FRMD4A: variants seen among roughly 807,000 people sequenced by gnomAD.
FRMD4A encodes FERM domain-containing protein 4A.
A neutral mutation model predicts 129.1 loss-of-function variants in FRMD4A; 29 were observed. That is an observed-to-expected ratio of 0.22 (90% CI 0.17 to 0.31). The LOEUF is 0.31. Among genes scored for constraint, FRMD4A ranks in the 10% least tolerant of loss-of-function variants. The pLI, the probability that FRMD4A is intolerant of heterozygous loss-of-function variation, is 1.00. For missense variants in FRMD4A, 1,272 were observed against 1,375.8 expected (o/e 0.92, Z 1.19); for synonymous variants, 634 against 571.6 (o/e 1.11, Z -1.56).
chr10:14,222,558 G>A lies in FRMD4A; in HGVS notation c.45+107500C>T, dbSNP rs576635606. On this transcript the variant is annotated intron_variant, in intron 2 of 24. Transcript: ENST00000357447. ...AGCAGATATTCTAAATCAAGAGTAG[G>A]AACAGATACTTAGAAATTAGAAGCT... 2.0e-5 allele frequency among the ~76,000 whole-genome samples: 3 copies of A among 152,076 alleles called. No individual in the cohort carries two copies. The South Asian group carries it at 6.2e-4, about 31-fold the overall frequency.
intron 2 of FRMD4A, among the ~76,000 whole-genome samples, chr10:13,922,525 T>A (rs1539503): frequency 1 from 152,267 of 152,336 alleles, 76,099 homozygotes; most frequent in Non-Finnish European, 1. Context: ...GGTTTATTTT[T>A]TTAGATTACA....
chr10:13,692,233 C>T (rs1341029769), intron 15 of FRMD4A: 1 of 145,804 alleles, frequency 6.9e-6, no homozygotes, highest in East Asian at 2.1e-4. Context: ...ACTGCAACCT[C>T]TGCCTCCTGA....
chr10:13,755,769 A>C lies in FRMD4A; in HGVS notation c.464+5878T>G, dbSNP rs193034150. The stretch of plus-strand genomic sequence containing the variant: ...CACTAAGATTTCTTAGCCGACACTC[A>C]CTAAGCTCTGATAAGCTGATATTCT... On this transcript the variant is annotated intron_variant, in intron 8 of 24. Transcript: ENST00000357447. 2.1e-3 allele frequency among the ~76,000 whole-genome samples: 318 copies of C among 152,364 alleles called. 2 individuals carry two copies. The highest frequency in any genetic ancestry group is 6.7e-3 in the African/African-American group (278 of 41,588).
intron 6 of FRMD4A, among the ~76,000 whole-genome samples, chr10:13,778,501 G>A (rs913416818): frequency 3.3e-5 from 5 of 151,892 alleles, no homozygotes; most frequent in Admixed American, 2.0e-4. Context: ...CAGGCCCTCC[G>A]TTATTCTGAA....
intron 15 of FRMD4A, among the ~76,000 whole-genome samples, chr10:13,690,125 GAAAAT>G (rs1438122005): frequency 6.6e-6 from 1 of 152,162 alleles, no homozygotes; most frequent in Non-Finnish European, 1.5e-5. Context: ...ATGAACATCA[GAAAAT>G]AAAATCCGGC....
chr10:14,154,010 C>T (rs11815533), intron 2 of FRMD4A, among the ~76,000 whole-genome samples: 2 of 152,168 alleles, frequency 1.3e-5, no homozygotes, highest in African/African-American at 4.8e-5. Context: ...GCTGTCACCT[C>T]GCCATCCCCT....
At chr10:14,056,512 A>C (rs909342491) in intron 2 of FRMD4A, among the ~76,000 whole-genome samples, 1 of 151,274 alleles carries the variant, frequency 6.6e-6, no homozygotes, top group Non-Finnish European at 1.5e-5. Flanking sequence ...ATTCTTTCTA[A>C]CTATATTTTT....
At chr10:13,918,852 C>A (rs2095038537) in intron 2 of FRMD4A, among the ~76,000 whole-genome samples, 2 of 146,162 alleles carry the variant, frequency 1.4e-5, no homozygotes, top group South Asian at 4.3e-4. Flanking sequence ...TAAAACAAAG[C>A]AAAATGGTTT....
intron 2 of FRMD4A, among the ~76,000 whole-genome samples, chr10:13,861,808 A>G (rs1171634300): frequency 6.6e-6 from 1 of 152,232 alleles, no homozygotes; most frequent in Non-Finnish European, 1.5e-5. Context: ...AAAATCCATC[A>G]GCTTCCTTTC....
At chr10:14,041,014 T>C (rs1223470118) in intron 2 of FRMD4A, among the ~76,000 whole-genome samples, 1 of 152,230 alleles carries the variant, frequency 6.6e-6, no homozygotes, top group Non-Finnish European at 1.5e-5. Context: ...CTACTTCCTC[T>C]TAATCAAAGG....
At chr10:13,938,333 C>A (rs535175739) in intron 2 of FRMD4A, among the ~76,000 whole-genome samples, 1 of 152,224 alleles carries the variant, frequency 6.6e-6, no homozygotes, top group East Asian at 1.9e-4. Context: ...CCTCTGCCCC[C>A]CGGGTTCAAG....
chr10:13,760,242 C>A (rs2092017569), intron 8 of FRMD4A, among the ~76,000 whole-genome samples: 1 of 151,864 alleles, frequency 6.6e-6, no homozygotes, highest in Admixed American at 6.6e-5. Context: ...ACAATCTGGC[C>A]CTCAACAAAA....
intron 2 of FRMD4A, among the ~76,000 whole-genome samples, chr10:14,304,837 A>C (rs1004722223): frequency 1.3e-5 from 2 of 152,260 alleles, no homozygotes; most frequent in African/African-American, 4.8e-5. Flanking sequence ...GGTGATGGGA[A>C]GATGGTGGAT....
intron 2 of FRMD4A, among the ~76,000 whole-genome samples, chr10:13,985,137 C>G (rs917686556): frequency 6.6e-6 from 1 of 152,256 alleles, no homozygotes; most frequent in Non-Finnish European, 1.5e-5. Context: ...TCACCCTGAC[C>G]TTTCCTCCGT....
At chr10:13,795,747 G>T (rs746425542) in intron 5 of FRMD4A, among the ~76,000 whole-genome samples, 5 of 152,148 alleles carry the variant, frequency 3.3e-5, no homozygotes, top group Non-Finnish European at 7.3e-5. Flanking sequence ...CTGCTGGACT[G>T]GGGGCTCAGA....
chr10:14,252,405 G>A (rs915265460), intron 2 of FRMD4A, among the ~76,000 whole-genome samples: 1 of 152,116 alleles, frequency 6.6e-6, no homozygotes, highest in Non-Finnish European at 1.5e-5. Context: ...AAAAATCATG[G>A]GCTACATTTA....
chr10:14,122,333 T>C (rs947451774), intron 2 of FRMD4A, among the ~76,000 whole-genome samples: 1 of 152,242 alleles, frequency 6.6e-6, no homozygotes, highest in Non-Finnish European at 1.5e-5. Context: ...AGGTTTTTTT[T>C]ATACGTAAAA....
intron 2 of FRMD4A, among the ~76,000 whole-genome samples, chr10:13,967,031 G>A (rs1285303957): frequency 6.6e-6 from 1 of 152,186 alleles, no homozygotes. Context: ...CTATGAGGAT[G>A]CACAGGCGTA....
chr10:13,703,299 A>C (rs1251347166), intron 13 of FRMD4A, among the ~76,000 whole-genome samples: 1 of 152,066 alleles, frequency 6.6e-6, no homozygotes, highest in African/African-American at 2.4e-5. Flanking sequence ...TCCTCTCCTC[A>C]TCTTTCGCTT....
Sources: allele counts gnomAD v4.1 joint callset (sites outside exome capture counted in the v4.1 genomes callset), GRCh38; gene constraint gnomAD v4.1.1; transcripts MANE v1.5; gene names NCBI Gene and HGNC (gene_info 2026-07-23, HGNC 2026-07-21).